Variants in B3GAT1 observed in about 807,000 individuals in gnomAD.
B3GAT1 encodes the protein beta-1,3-glucuronyltransferase 1.
A neutral mutation model predicts 28.4 loss-of-function variants in B3GAT1; 11 were observed. The ratio of observed to expected loss-of-function variants is 0.39; its 90% confidence interval spans 0.24 to 0.64. B3GAT1 has a LOEUF of 0.64. Ranked by LOEUF, B3GAT1 falls within the 30% of genes least tolerant of loss-of-function variation. B3GAT1 has a pLI of 0.50. For synonymous variants in B3GAT1, 255 were observed against 223.1 expected, an observed-to-expected ratio of 1.14 and a Z score of -1.27; for missense variants, 375 against 491.0, an observed-to-expected ratio of 0.76 and a Z score of 2.23.
rs1170617460 is a variant in B3GAT1 at position 134,383,660 on chromosome 11, A to ACCT, written c.621+19_621+20insAGG. On this transcript the variant is annotated intron_variant, in intron 3 of 5. Transcript: ENST00000312527. ...CCCGCAGCCGGAGGTCCCGCTGCTC[A>ACCT]CTGTCGGGCCCTCCCTCACCTCTTC... 1 of 1,527,716 alleles carries ACCT rather than the reference A, an allele frequency of 6.5e-7. No individual in the cohort carries two copies. Among genetic ancestry groups the ACCT allele is most frequent in the African/African-American group, 1.4e-5 (1 of 72,432 alleles). 94.6% of individuals were successfully genotyped at this position (1,527,716 alleles called of 1,614,324 possible).
chr11:134,390,494 C>G (rs1326493221), intron 1 of B3GAT1: 2 of 152,214 alleles, frequency 1.3e-5, no homozygotes, highest in Non-Finnish European at 2.9e-5. Context: ...TGGAGAAAGC[C>G]AAGGAGAGAA....
intron 1 of B3GAT1, among the ~76,000 whole-genome samples, chr11:134,410,240 A>G (rs975072458): frequency 6.6e-6 from 1 of 152,128 alleles, no homozygotes; most frequent in East Asian, 1.9e-4. Flanking sequence ...TAACTGCCCA[A>G]CCAGAAACCT....
intron 1 of B3GAT1, chr11:134,409,801 C>T (rs1046557920): frequency 2.0e-5 from 3 of 152,650 alleles, no homozygotes; most frequent in Non-Finnish European, 4.4e-5. Flanking sequence ...CTCACTGCCT[C>T]TTTCTCTGCC....
At position 134,412,121 on chromosome 11, in the gene B3GAT1, G is replaced by GGGGAGGT. The variant is rs1184698072; in HGVS notation, c.-597_-596insACCTCCC. Among the ~76,000 whole-genome samples, 94 of 137,208 alleles carry GGGGAGGT rather than the reference G, an allele frequency of 6.9e-4. No individual in the cohort carries two copies. Among genetic ancestry groups the GGGGAGGT allele is most frequent in the East Asian group, 1.1e-3 (5 of 4,412 alleles). The allele number at this position is 137,208 out of a possible 152,430, so 90.0% of individuals were successfully genotyped here. On this transcript the variant is annotated 5_prime_UTR_variant, in exon 1 of 6. Coordinates refer to ENST00000312527, the MANE Select transcript of B3GAT1 (RefSeq NM_054025.3). ...GGGGCGGGGAGGGGGAGCGGGGAGG[G>GGGGAGGT]GGAGCGGGGAGCGGGCGCGGGGGCG...
intron 1 of B3GAT1, 63 bp from the exon 2 acceptor site, chr11:134,388,003 C>A: frequency 1.6e-6 from 1 of 606,878 alleles, no homozygotes; most frequent in East Asian, 5.4e-5. Flanking sequence ...GCCAGCAAGG[C>A]TGGGCCCTGC....
chr11:134,403,917 G>C, intron 1 of B3GAT1, among the ~76,000 whole-genome samples: 1 of 146,658 alleles, frequency 6.8e-6, no homozygotes, highest in African/African-American at 2.5e-5. Context: ...AACTAGGATG[G>C]TGGCTTGTGG....
At chr11:134,386,808 TTGTTTTTTAAGTTTTTC>T (rs1944299389) in intron 2 of B3GAT1, 1 of 152,294 alleles carries the variant, frequency 6.6e-6, no homozygotes, top group African/African-American at 2.4e-5. Flanking sequence ...TTAATGATGT[TTGTTTTTTAAGTTTTTC>T]TGTATTTTAA....
chr11:134,399,516 C>T (rs776967618), intron 1 of B3GAT1, among the ~76,000 whole-genome samples: 28 of 152,222 alleles, frequency 1.8e-4, no homozygotes, highest in Non-Finnish European at 2.5e-4. Flanking sequence ...ACCCAGTGAA[C>T]GGCAGGGTCC....
At chr11:134,382,155 C>T (rs1332830007) in intron 4 of B3GAT1, 131 bp from the exon 5 acceptor site, 55 of 709,378 alleles carry the variant, frequency 7.8e-5, no homozygotes, top group Non-Finnish European at 1.2e-4. Context: ...TTCAATTGTT[C>T]CATCAAGATT....
chr11:134,388,102 T>A, intron 1 of B3GAT1, 162 bp from the exon 2 acceptor site: 2 of 368,414 alleles, frequency 5.4e-6, no homozygotes. Flanking sequence ...TAGAGTGGAA[T>A]GGGCTCTGTC....
At chr11:134,405,462 T>C (rs1451149838) in intron 1 of B3GAT1, among the ~76,000 whole-genome samples, 5 of 152,168 alleles carry the variant, frequency 3.3e-5, no homozygotes, top group Admixed American at 1.3e-4. Context: ...CATTAGTTTG[T>C]CTGTATTTTT....
chr11:134,382,639 CG>C, intron 4 of B3GAT1, 70 bp downstream of exon 4: 1 of 1,535,328 alleles, frequency 6.5e-7, no homozygotes, highest in Non-Finnish European at 8.8e-7. Context: ...TTCCTTCTCC[CG>C]ATCTGTAGGG....
chr11:134,379,283 A>C lies in B3GAT1; in HGVS notation c.*1479T>G, dbSNP rs1402675487. The C allele has an allele frequency of 7.4e-6, 1 of 134,416 alleles. No homozygotes were observed. Among genetic ancestry groups the C allele is most frequent in the African/African-American group, 2.7e-5 (1 of 36,994 alleles). 8.3% of individuals were successfully genotyped at this position (134,416 alleles called of 1,614,324 possible). On this transcript the variant is annotated 3_prime_UTR_variant, in exon 6 of 6. Coordinates refer to ENST00000312527, the MANE Select transcript of B3GAT1 (RefSeq NM_054025.3). ...AATGGCCCTCAGACCTCTCCTGGTG[A>C]GTCTTAATGGGGTGGGAGGCTGTTA...
At chr11:134,402,610 T>A (rs1407818433) in intron 1 of B3GAT1, among the ~76,000 whole-genome samples, 2 of 152,084 alleles carry the variant, frequency 1.3e-5, no homozygotes, top group Non-Finnish European at 2.9e-5. Context: ...GAAGAAACAA[T>A]TAACATAAAA....
Position 134,387,583 on chromosome 11 carries a change from T to G in B3GAT1, c.77A>C (p.Gln26Pro). 1 of 1,614,166 alleles carries G rather than the reference T, an allele frequency of 6.2e-7. No individual in the cohort carries two copies. The highest frequency in any genetic ancestry group is 8.5e-7 in the Non-Finnish European group (1 of 1,180,048). Residue 26 changes from glutamine (Q) to proline (P), a missense_variant, in exon 2 of 6, where the codon CAG becomes CCG. Coordinates refer to ENST00000312527, the MANE Select transcript of B3GAT1 (RefSeq NM_054025.3). ...CGCGAGCAGGGGTGCGAGGGTGCTC[T>G]GGTGCCAGACAGTGATGAGCAGAGT... is the stretch of plus-strand genomic sequence containing the variant. ...PWTLLITVWH[Q>P]STLAPLLAVH...
intron 2 of B3GAT1, 181 bp from the exon 3 acceptor site, chr11:134,384,369 C>T (rs903044622): frequency 1.3e-6 from 1 of 766,426 alleles, no homozygotes; most frequent in Non-Finnish European, 2.0e-6. Flanking sequence ...CTGGAATCCT[C>T]TCTGGGAGGG....
In B3GAT1 at chr11:134,411,113, C is replaced by T. The variant is rs1049545720; in HGVS notation, c.-282+694G>A. Among the ~76,000 whole-genome samples, 3 of 152,194 alleles carry T rather than the reference C, an allele frequency of 2.0e-5. No individual in the cohort carries two copies. The highest frequency in any genetic ancestry group is 6.5e-5 in the Admixed American group (1 of 15,280). ...TGTCACCTCCTTACCCTGGCACTGT[C>T]GGACCTGGTGGCTTCCTTCTCTATT... On this transcript the variant is annotated intron_variant, in intron 1 of 5. Transcript: ENST00000312527. This position sits in a 1 kb window ranked among gnomAD's most constrained non-coding sequence, Gnocchi z 6.0.
intron 1 of B3GAT1, among the ~76,000 whole-genome samples, chr11:134,394,288 AG>A (rs1162192764): frequency 2.6e-5 from 4 of 152,246 alleles, no homozygotes; most frequent in Non-Finnish European, 4.4e-5. Context: ...CCACAGCATG[AG>A]GCAGACACAC....
Position 134,383,758 on chromosome 11 carries a change from G to A in B3GAT1, c.543C>T (p.Phe181=), listed in dbSNP as rs749276679. The A allele has an allele frequency of 4.4e-6, 7 of 1,596,172 alleles. No homozygotes were observed. The Admixed American group carries it at 6.8e-5, about 16-fold the overall frequency. The change falls in exon 3 of 6, where the codon TTC becomes TTT. Residue 181 remains phenylalanine, a synonymous_variant. Transcript: ENST00000312527. ...NLALRWLRET[F]PRNSSQPGVV... is the part of the protein sequence containing the mutation. ...CGCCAGGCTGGCTGGAGTTGCGCGG[G>A]AAGGTCTCGCGCAGCCAGCGCAGGG...
Sources: gnomAD v4.1 joint callset for allele counts (sites outside exome capture counted in the v4.1 genomes callset) on GRCh38, gnomAD v4.1.1 for gene constraint, Gnocchi (gnomAD v3.1) non-coding constraint, MANE v1.5 for transcripts, NCBI Gene and HGNC (gene_info 2026-07-23, HGNC 2026-07-21) for gene names.